Variants in TRIM44 observed in about 807,000 individuals in gnomAD.
The protein encoded by TRIM44 is tripartite motif-containing protein 44.
TRIM44 carries 13 observed loss-of-function variants against 37.4 expected under a neutral mutation model. That is an observed-to-expected ratio of 0.35 (90% CI 0.23 to 0.55). The LOEUF is 0.55. Among genes scored for constraint, TRIM44 ranks in the 20% least tolerant of loss-of-function variants. The pLI, the probability that TRIM44 is intolerant of heterozygous loss-of-function variation, is 0.89. For synonymous variants in TRIM44, 175 were observed against 157.2 expected, an observed-to-expected ratio of 1.11 and a Z score of -0.85; for missense variants, 426 against 437.2, an observed-to-expected ratio of 0.97 and a Z score of 0.23.
At chr11:35,679,701 T>A (rs1851502997) in intron 1 of TRIM44, among the ~76,000 whole-genome samples, 2 of 152,206 alleles carry the variant, frequency 1.3e-5, no homozygotes, top group African/African-American at 2.4e-5. Context: ...TCTTTATTTT[T>A]ATGTCATATG....
At chr11:35,759,883 G>A (rs569631753) in intron 4 of TRIM44, among the ~76,000 whole-genome samples, 2 of 152,292 alleles carry the variant, frequency 1.3e-5, no homozygotes, top group Middle Eastern at 3.4e-3. Context: ...GTACCCAGCC[G>A]TGTGAGGTGT....
intron 1 of TRIM44, among the ~76,000 whole-genome samples, chr11:35,669,978 C>T (rs1379482371): frequency 3.3e-5 from 5 of 152,090 alleles, no homozygotes; most frequent in African/African-American, 1.2e-4. Flanking sequence ...TGTGCCACCA[C>T]ACCCGCCTGA....
At chr11:35,754,188 A>T (rs1301868266) in intron 4 of TRIM44, among the ~76,000 whole-genome samples, 3 of 152,178 alleles carry the variant, frequency 2.0e-5, no homozygotes, top group Non-Finnish European at 4.4e-5. Flanking sequence ...ATCTTTACTA[A>T]TCTGTTAGTG....
At chr11:35,744,059 A>G (rs1182783967) in intron 4 of TRIM44, among the ~76,000 whole-genome samples, 14 of 152,242 alleles carry the variant, frequency 9.2e-5, no homozygotes, top group Admixed American at 6.5e-5. Flanking sequence ...CCTAGTGTAC[A>G]CTAAACCACA....
At chr11:35,805,456 C>T (rs760463171) in intron 4 of TRIM44, among the ~76,000 whole-genome samples, 57 of 152,178 alleles carry the variant, frequency 3.7e-4, no homozygotes, top group Non-Finnish European at 8.1e-4. Flanking sequence ...GGGGCTGTAA[C>T]TCTGAGCAGC....
chr11:35,743,824 T>A lies in TRIM44; in HGVS notation c.1007+8379T>A, dbSNP rs1590561910. 1.3e-5 allele frequency among the ~76,000 whole-genome samples: 2 copies of A among 152,234 alleles called. 1 individual carries two copies. The highest frequency in any genetic ancestry group is 1.3e-4 in the Admixed American group (2 of 15,278). On this transcript the variant is annotated intron_variant, in intron 4 of 4. Transcript: ENST00000299413. ...ATCTGCCATGGATACAGGGTTACCA[T>A]GTCCATGATACCTTGGCGTGAACTA...
rs1418490090 is a variant in TRIM44 at position 35,814,596 on chromosome 11, AC to A, written c.*8212del. The A allele has an allele frequency of 1.3e-5, 2 of 152,130 alleles. No homozygotes were observed. The highest frequency in any genetic ancestry group is 2.9e-5 in the Non-Finnish European group (2 of 68,034). The allele number at this position is 152,130 out of a possible 1,614,324, so 9.4% of individuals were successfully genotyped here. On this transcript the variant is annotated 3_prime_UTR_variant, in exon 5 of 5. Transcript: ENST00000299413. ...TCTCCCATGATGCACTGCTTTCAAC[AC>A]TGCATGACTGTAAAAACATGTGCCA...
intron 2 of TRIM44, among the ~76,000 whole-genome samples, chr11:35,686,649 C>T (rs1851585730): frequency 6.6e-6 from 1 of 152,048 alleles, no homozygotes. Context: ...CTCTCCCTCC[C>T]AGGTTCAAGT....
chr11:35,701,530 T>C (rs1851788822), intron 2 of TRIM44, among the ~76,000 whole-genome samples: 1 of 152,112 alleles, frequency 6.6e-6, no homozygotes. Context: ...CAGAAAGTAC[T>C]CATTCCCTAA....
chr11:35,792,072 T>TACACACAC lies in TRIM44; in HGVS notation c.1008-14253_1008-14246dup, dbSNP rs57127722. 2.9e-3 allele frequency among the ~76,000 whole-genome samples: 395 copies of TACACACAC among 136,818 alleles called. 3 individuals carry two copies. The highest frequency in any genetic ancestry group is 0.011 in the African/African-American group (380 of 34,818). The allele number at this position is 136,818 out of a possible 152,430, so 89.8% of individuals were successfully genotyped here. A position where few individuals can be genotyped will look rare whatever the true frequency, so the allele number is the denominator to read the frequency against. On this transcript the variant is annotated intron_variant, in intron 4 of 4. Coordinates refer to ENST00000299413, the MANE Select transcript of TRIM44 (RefSeq NM_017583.6). ...CCATCCCTTCCTGAGGAGTTGCCCCTACACACACACACACACACACACACA... is the reference window on the plus strand; with the variant it reads ...CCATCCCTTCCTGAGGAGTTGCCCCTACACACACACACACACACACACACACACACACA...
chr11:35,705,171 T>C (rs1463250170), intron 2 of TRIM44, among the ~76,000 whole-genome samples: 1 of 149,912 alleles, frequency 6.7e-6, no homozygotes, highest in African/African-American at 2.5e-5. Flanking sequence ...AAGAAGGCCA[T>C]TACATAATGG....
chr11:35,762,089 AC>A (rs1852738014), intron 4 of TRIM44, among the ~76,000 whole-genome samples: 1 of 152,096 alleles, frequency 6.6e-6, no homozygotes, highest in Non-Finnish European at 1.5e-5. Flanking sequence ...ACATGATGAG[AC>A]TGGAGAACAG....
chr11:35,744,854 G>A (rs1852466805), intron 4 of TRIM44, among the ~76,000 whole-genome samples: 1 of 152,102 alleles, frequency 6.6e-6, no homozygotes, highest in Admixed American at 6.6e-5. Context: ...GTTTCCTGAG[G>A]ATAATGGCTT....
At chr11:35,733,305 G>A (rs1343172657) in intron 3 of TRIM44, among the ~76,000 whole-genome samples, 1 of 152,060 alleles carries the variant, frequency 6.6e-6, no homozygotes, top group Non-Finnish European at 1.5e-5. Flanking sequence ...TGATTTTGAG[G>A]AGGACTTGCT....
intron 3 of TRIM44, among the ~76,000 whole-genome samples, chr11:35,726,367 A>G (rs1564980464): frequency 1.3e-5 from 2 of 152,186 alleles, no homozygotes; most frequent in Non-Finnish European, 2.9e-5. Flanking sequence ...TTTATCCATC[A>G]TTACTTTAAG....
intron 2 of TRIM44, among the ~76,000 whole-genome samples, chr11:35,723,083 GTCTCTC>G (rs771514117): frequency 7.2e-6 from 1 of 139,410 alleles, no homozygotes; most frequent in Non-Finnish European, 1.5e-5. Flanking sequence ...TCCCTCCCTC[GTCTCTC>G]TCTCTCTTTC....
intron 1 of TRIM44, among the ~76,000 whole-genome samples, chr11:35,671,900 G>A (rs1564940297): frequency 6.6e-6 from 1 of 152,170 alleles, no homozygotes; most frequent in Non-Finnish European, 1.5e-5. Flanking sequence ...TAGAAAAATA[G>A]TTATGCAGCC....
At chr11:35,737,267 G>A (rs1476850044) in intron 4 of TRIM44, among the ~76,000 whole-genome samples, 1 of 152,124 alleles carries the variant, frequency 6.6e-6, no homozygotes, top group Non-Finnish European at 1.5e-5. Flanking sequence ...GCATTTAAGC[G>A]CTATACTGAA....
intron 2 of TRIM44, among the ~76,000 whole-genome samples, chr11:35,706,877 A>C (rs1361838955): frequency 6.7e-6 from 1 of 149,812 alleles, no homozygotes. Flanking sequence ...CTCTCTCACC[A>C]CTCCTATTCA....
Sources: allele counts gnomAD v4.1 joint callset (sites outside exome capture counted in the v4.1 genomes callset), GRCh38; gene constraint gnomAD v4.1.1; transcripts MANE v1.5; gene names NCBI Gene and HGNC (gene_info 2026-07-23, HGNC 2026-07-21).